RERE: variants seen among roughly 807,000 people sequenced by gnomAD.
RERE encodes the protein arginine-glutamic acid dipeptide repeats protein.
A neutral mutation model predicts 146.1 loss-of-function variants in RERE; 40 were observed. The ratio of observed to expected loss-of-function variants is 0.27; its 90% CI spans 0.21 to 0.36. The LOEUF is 0.36. Ranked by LOEUF, RERE falls within the 10% of genes least tolerant of loss-of-function variation. The pLI is 1.00. For synonymous variants in RERE, 1,003 were observed against 866.0 expected (o/e 1.16, Z -2.78); for missense variants, 1,933 against 2,138.7 (o/e 0.90, Z 1.90).
At chr1:8,646,686 C>T (rs1647324334) in intron 2 of RERE, among the ~76,000 whole-genome samples, 1 of 151,950 alleles carries the variant, frequency 6.6e-6, no homozygotes, top group Non-Finnish European at 1.5e-5. Context: ...GGCATCCTTA[C>T]AAAAAGGAAA....
intron 1 of RERE, among the ~76,000 whole-genome samples, chr1:8,665,057 C>T (rs1386055292): frequency 1.3e-5 from 2 of 152,190 alleles, no homozygotes; most frequent in Non-Finnish European, 2.9e-5. Context: ...CACCCAGCCA[C>T]ACTATCCCTC....
intron 4 of RERE, among the ~76,000 whole-genome samples, chr1:8,607,542 T>C (rs1415376276): frequency 5.8e-5 from 4 of 68,520 alleles, no homozygotes; most frequent in South Asian, 4.5e-4. Context: ...TTCTTTTTTT[T>C]TTTTTTTTTT....
In RERE at chr1:8,632,876, C is replaced by T. The variant is rs540656815; in HGVS notation, c.326-8496G>A. Among the ~76,000 whole-genome samples, 3 of 152,190 alleles carry T rather than the reference C, an allele frequency of 2.0e-5. No homozygotes were observed. In the South Asian group the frequency reaches 6.2e-4, roughly 32 times the overall value. On this transcript the variant is annotated intron_variant, in intron 2 of 22. Coordinates refer to ENST00000400908, the MANE Select transcript of RERE (RefSeq NM_001042681.2). ...ATGTCAGAAAATAAAAGTTTAATTG[C>T]CATTCTGGAAAGATGTTCTACTAAT...
At chr1:8,377,151 T>G (rs897564567) in intron 12 of RERE, among the ~76,000 whole-genome samples, 1 of 152,208 alleles carries the variant, frequency 6.6e-6, no homozygotes, top group Non-Finnish European at 1.5e-5. Flanking sequence ...CAAAACAGTC[T>G]AAAGCTCAGG....
intron 1 of RERE, among the ~76,000 whole-genome samples, chr1:8,701,317 CACACACGCACACA>C (rs1210008218): frequency 8.6e-5 from 3 of 34,800 alleles, no homozygotes; most frequent in African/African-American, 5.1e-4. Context: ...CACACACACA[CACACACGCACACA>C]CTCCCTCCCT....
At chr1:8,618,893 A>G (rs1161384222) in intron 3 of RERE, among the ~76,000 whole-genome samples, 2 of 152,196 alleles carry the variant, frequency 1.3e-5, no homozygotes, top group East Asian at 3.8e-4. Flanking sequence ...GTGGAACCTA[A>G]GATGAAGTTA....
At chr1:8,363,845 A>C (rs1404666283) in intron 15 of RERE, 13 of 590,558 alleles carry the variant, frequency 2.2e-5, no homozygotes, top group Non-Finnish European at 3.9e-5. Context: ...CAAAACCCAG[A>C]GCAGGATGCC....
intron 4 of RERE, among the ~76,000 whole-genome samples, chr1:8,609,390 T>C (rs1265299579): frequency 1.3e-5 from 2 of 152,180 alleles, no homozygotes; most frequent in Non-Finnish European, 2.9e-5. Context: ...TCTTAATTTG[T>C]TACATTATAA....
intron 1 of RERE, among the ~76,000 whole-genome samples, chr1:8,814,573 G>T (rs993650927): frequency 6.6e-6 from 1 of 152,152 alleles, no homozygotes; most frequent in Non-Finnish European, 1.5e-5. Context: ...CAAAATTGCC[G>T]ATTTTAGTGA....
At chr1:8,483,891 C>T (rs915637332) in intron 10 of RERE, among the ~76,000 whole-genome samples, 2 of 152,166 alleles carry the variant, frequency 1.3e-5, no homozygotes, top group Middle Eastern at 3.4e-3. Flanking sequence ...ACTGTCCAGG[C>T]GGAGGTGAAA....
intron 3 of RERE, among the ~76,000 whole-genome samples, chr1:8,616,841 A>T (rs1315985470): frequency 1.3e-5 from 2 of 152,230 alleles, no homozygotes; most frequent in Admixed American, 6.5e-5. Context: ...AAATGGGGCC[A>T]GCAAAATGCT....
chr1:8,453,075 G>T lies in RERE; in HGVS notation c.1203+12850C>A, dbSNP rs548320225. On this transcript the variant is annotated intron_variant, in intron 11 of 22. Transcript: ENST00000400908. ...TGAATGTTTTACAGATATTTAAAAA[G>T]AGAGGGAGAGAGAGGAAGGGAATGT... is the stretch of plus-strand genomic sequence containing the variant. Among the ~76,000 whole-genome samples, 3 of 152,270 alleles carry T rather than the reference G, an allele frequency of 2.0e-5. No individual in the cohort carries two copies. The South Asian group carries it at 6.2e-4, about 32-fold the overall frequency.
chr1:8,705,846 G>T (rs1639546471), intron 1 of RERE, among the ~76,000 whole-genome samples: 1 of 152,160 alleles, frequency 6.6e-6, no homozygotes, highest in Admixed American at 6.5e-5. Context: ...GCCGGATGCG[G>T]TGGCTCACGC....
At chr1:8,623,846 C>T (rs952105908) in intron 3 of RERE, among the ~76,000 whole-genome samples, 44 of 152,276 alleles carry the variant, frequency 2.9e-4, no homozygotes, top group Admixed American at 7.2e-4. Context: ...ACCGCTACCC[C>T]GGGAAACCCC....
chr1:8,730,874 T>G (rs749093774), intron 1 of RERE, among the ~76,000 whole-genome samples: 2 of 152,156 alleles, frequency 1.3e-5, no homozygotes, highest in Non-Finnish European at 2.9e-5. Flanking sequence ...CTGGAGGGAT[T>G]TGTTAAAGCA....
At chr1:8,395,903 G>C (rs558326833) in intron 12 of RERE, among the ~76,000 whole-genome samples, 1 of 152,278 alleles carries the variant, frequency 6.6e-6, no homozygotes, top group African/African-American at 2.4e-5. Flanking sequence ...GCACAAATCT[G>C]AGAAGGAACA....
In RERE at chr1:8,525,376, C is replaced by T. The variant is rs139616002; in HGVS notation, c.830+15838G>A. Among the ~76,000 whole-genome samples, 37 of 152,336 alleles carry T rather than the reference C, an allele frequency of 2.4e-4. 1 individual carries two copies. In the East Asian group the frequency reaches 6.2e-3, roughly 25 times the overall value. On this transcript the variant is annotated intron_variant, in intron 7 of 22. Transcript: ENST00000400908. ...AAACAGAGCTGCTCTGCGGCCCAGG[C>T]ATTCCATACTAGCCACAAGGCAAGG...
At chr1:8,427,637 T>TAAAA (rs33996085) in intron 11 of RERE, among the ~76,000 whole-genome samples, 37 of 116,336 alleles carry the variant, frequency 3.2e-4, no homozygotes, top group Non-Finnish European at 4.1e-4. Flanking sequence ...GGCCCCACTT[T>TAAAA]AAAAAAAAAA....
Position 8,360,380 on chromosome 1 carries a change from C to T in RERE, c.3127G>A (p.Gly1043Ser). The T allele has an allele frequency of 1.4e-6, 2 of 1,438,306 alleles. No homozygotes were observed. Among genetic ancestry groups the T allele is most frequent in the Non-Finnish European group, 9.1e-7 (1 of 1,096,140 alleles). The allele number at this position is 1,438,306 out of a possible 1,614,324, so 89.1% of individuals were successfully genotyped here. The part of the protein sequence containing the change: ...PFAQHPFVPG[G>S]PPPITPPTCP... ...GTCGGAGGGGTGATGGGAGGAGGGCCTCCAGGGACAAAGGGGTGCTGAGCA... is the reference window on the plus strand; with the variant it reads ...GTCGGAGGGGTGATGGGAGGAGGGCTTCCAGGGACAAAGGGGTGCTGAGCA... Residue 1043 changes from glycine to serine, a missense_variant, in exon 18 of 23, where the codon GGC (glycine) becomes AGC (serine). Physicochemically the swap from Gly to Ser is moderately conservative, Grantham distance 56 (BLOSUM62 0). Transcript: ENST00000400908.
Sources: gnomAD v4.1 joint callset for allele counts (sites outside exome capture counted in the v4.1 genomes callset) on GRCh38, gnomAD v4.1.1 for gene constraint, MANE v1.5 for transcripts, NCBI Gene and HGNC (gene_info 2026-07-23, HGNC 2026-07-21) for gene names.